Variants in KCNAB1 observed in about 807,000 individuals in gnomAD.
KCNAB1 encodes voltage-gated potassium channel subunit beta-1.
A neutral mutation model predicts 64.6 loss-of-function variants in KCNAB1; 35 were observed. That is an observed-to-expected ratio of 0.54 (90% CI 0.41 to 0.72). The LOEUF is 0.72. Ranked by LOEUF, KCNAB1 falls within the 30% of genes least tolerant of loss-of-function variation. The pLI, the probability that KCNAB1 is intolerant of heterozygous loss-of-function variation, is 0.00. For missense variants in KCNAB1, 401 were observed against 512.9 expected (o/e 0.78, Z 2.11); for synonymous variants, 177 against 183.8 (o/e 0.96, Z 0.30).
chr3:156,298,633 G>A (rs185003965), intron 1 of KCNAB1, among the ~76,000 whole-genome samples: 1 of 152,214 alleles, frequency 6.6e-6, no homozygotes, highest in African/African-American at 2.4e-5. Flanking sequence ...AACAGTATGA[G>A]ATTTGGATTC....
chr3:156,122,768 C>T (rs1292363401), intron 1 of KCNAB1, among the ~76,000 whole-genome samples: 1 of 152,118 alleles, frequency 6.6e-6, no homozygotes, highest in Non-Finnish European at 1.5e-5. Context: ...ATGATTATTT[C>T]CAGGAAGAAA....
chr3:156,237,842 G>A (rs1716936002), intron 1 of KCNAB1, among the ~76,000 whole-genome samples: 1 of 152,016 alleles, frequency 6.6e-6, no homozygotes, highest in African/African-American at 2.4e-5. Flanking sequence ...TGGTTTATTT[G>A]TTTCCTGTCT....
At chr3:156,249,552 A>C (rs1717687081) in intron 1 of KCNAB1, among the ~76,000 whole-genome samples, 1 of 140,134 alleles carries the variant, frequency 7.1e-6, no homozygotes, top group Admixed American at 7.5e-5. Context: ...ACAGAGCAAG[A>C]CTCTGTCTAA....
chr3:156,529,460 G>A (rs1352376492), intron 12 of KCNAB1, among the ~76,000 whole-genome samples: 2 of 149,646 alleles, frequency 1.3e-5, no homozygotes, highest in Non-Finnish European at 3.0e-5. Flanking sequence ...TAAAATTTTT[G>A]ATGTATAAAT....
At chr3:156,501,793 C>T (rs1267312966) in intron 8 of KCNAB1, among the ~76,000 whole-genome samples, 1 of 151,994 alleles carries the variant, frequency 6.6e-6, no homozygotes, top group Non-Finnish European at 1.5e-5. Flanking sequence ...AAGACATATC[C>T]GAGACTGGGA....
chr3:156,254,283 A>G (rs1397592647), intron 1 of KCNAB1, among the ~76,000 whole-genome samples: 2 of 152,228 alleles, frequency 1.3e-5, no homozygotes, highest in African/African-American at 2.4e-5. Context: ...GTATGCCTCA[A>G]TTGGCCCAGA....
chr3:156,249,977 A>G (rs939834112), intron 1 of KCNAB1, among the ~76,000 whole-genome samples: 1 of 152,342 alleles, frequency 6.6e-6, no homozygotes, highest in Admixed American at 6.5e-5. Context: ...AGCTGTTTGA[A>G]TGGAGTCAGG....
At chr3:156,369,740 T>G (rs930411640) in intron 1 of KCNAB1, among the ~76,000 whole-genome samples, 3 of 152,250 alleles carry the variant, frequency 2.0e-5, no homozygotes, top group Non-Finnish European at 2.9e-5. Flanking sequence ...ATATAAATGA[T>G]GTACTTAAGC....
intron 2 of KCNAB1, among the ~76,000 whole-genome samples, chr3:156,434,942 G>T (rs1179290464): frequency 6.6e-6 from 1 of 152,162 alleles, no homozygotes; most frequent in South Asian, 2.1e-4. Flanking sequence ...TCTGAAACAA[G>T]GATTTGAAGG....
At chr3:156,500,525 T>TA (rs933853105) in intron 8 of KCNAB1, among the ~76,000 whole-genome samples, 1 of 152,066 alleles carries the variant, frequency 6.6e-6, no homozygotes, top group African/African-American at 2.4e-5. Flanking sequence ...AATTGCAAAA[T>TA]AAAAAAACTA....
chr3:156,286,030 C>G (rs1390225487), intron 1 of KCNAB1, among the ~76,000 whole-genome samples: 1 of 152,180 alleles, frequency 6.6e-6, no homozygotes, highest in Admixed American at 6.5e-5. Context: ...GTGAGAAAAT[C>G]TGTATTAAGC....
intron 1 of KCNAB1, among the ~76,000 whole-genome samples, chr3:156,197,441 C>G (rs1040772007): frequency 6.6e-6 from 1 of 151,982 alleles, no homozygotes; most frequent in Non-Finnish European, 1.5e-5. Flanking sequence ...TGGTCCTGGG[C>G]TTTTTTTGGT....
At chr3:156,143,379 G>T in intron 1 of KCNAB1, 1 of 1,606,142 alleles carries the variant, frequency 6.2e-7, no homozygotes, top group South Asian at 1.1e-5. Flanking sequence ...ATGGAATTTC[G>T]TTGCAGGAAA....
chr3:156,302,842 C>T (rs955315696), intron 1 of KCNAB1, among the ~76,000 whole-genome samples: 33 of 152,108 alleles, frequency 2.2e-4, no homozygotes, highest in African/African-American at 7.5e-4. Context: ...AATTAAAATG[C>T]TCATGACTTA....
chr3:156,525,571 A>G lies in KCNAB1; in HGVS notation c.1081+1624A>G, dbSNP rs192136822. Among the ~76,000 whole-genome samples the G allele has an allele frequency of 4.7e-3, 713 of 152,308 alleles. 7 individuals carry two copies. Among genetic ancestry groups the G allele is most frequent in the African/African-American group, 0.017 (693 of 41,576 alleles). On this transcript the variant is annotated intron_variant, in intron 12 of 13. Transcript: ENST00000490337. ...CGCTCTGTCGCCCAGGCTGGAGTGC[A>G]GTGGCGCGATCTCGGCTCACTGCAA...
At chr3:156,304,186 G>C (rs1388424184) in intron 1 of KCNAB1, among the ~76,000 whole-genome samples, 1 of 152,160 alleles carries the variant, frequency 6.6e-6, no homozygotes, top group East Asian at 1.9e-4. Flanking sequence ...CTTATTTTGA[G>C]ATAGAAATAC....
intron 1 of KCNAB1, among the ~76,000 whole-genome samples, chr3:156,285,091 G>C (rs1720022338): frequency 1.3e-5 from 2 of 152,144 alleles, no homozygotes; most frequent in African/African-American, 4.8e-5. Flanking sequence ...AGATTCTTTT[G>C]ATTAATTGAA....
At chr3:156,493,174 A>G (rs1715755429) in intron 8 of KCNAB1, among the ~76,000 whole-genome samples, 1 of 152,038 alleles carries the variant, frequency 6.6e-6, no homozygotes, top group Non-Finnish European at 1.5e-5. Flanking sequence ...TCAGATGCCA[A>G]CCCGTCTCTC....
At position 156,158,179 on chromosome 3, in the gene KCNAB1, A is replaced by T. The variant is rs202023237; in HGVS notation, c.275+37293A>T. Among the ~76,000 whole-genome samples, 238 of 60,638 alleles carry T rather than the reference A, an allele frequency of 3.9e-3. 4 individuals are homozygous for T. The East Asian group carries it at 0.054, about 14-fold the overall frequency. The allele number at this position is 60,638 out of a possible 152,430, so 39.8% of individuals were successfully genotyped here. ...AACTCTGTCTCAAAAAAAAAAATAA[A>T]AAATAAATAAATAAATAAATAAATA... On this transcript the variant is annotated intron_variant, in intron 1 of 13. Coordinates refer to ENST00000490337, the MANE Select transcript of KCNAB1 (RefSeq NM_172160.3).
Sources: gnomAD v4.1 joint callset for allele counts (sites outside exome capture counted in the v4.1 genomes callset) on GRCh38, gnomAD v4.1.1 for gene constraint, MANE v1.5 for transcripts, NCBI Gene and HGNC (gene_info 2026-07-23, HGNC 2026-07-21) for gene names.